The following EIF2AK4 variants were observed in gnomAD, a reference collection of about 807,000 sequenced individuals.
The protein encoded by EIF2AK4 is eIF-2-alpha kinase GCN2.
EIF2AK4 carries 139 observed loss-of-function variants against 211.1 expected under a neutral mutation model. That is an observed-to-expected ratio of 0.66 (90% CI 0.57 to 0.76). The LOEUF (loss-of-function observed/expected upper bound fraction) is 0.76, where lower values mean the gene tolerates loss of function less well. Ranked by LOEUF, EIF2AK4 falls within the 30% of genes least tolerant of loss-of-function variation. The pLI is 0.00. For missense variants in EIF2AK4, 1,664 were observed against 2,043.8 expected, an observed-to-expected ratio of 0.81 and a Z score of 3.58; for synonymous variants, 710 against 751.3, an observed-to-expected ratio of 0.94 and a Z score of 0.90.
At chr15:40,020,760 C>G in intron 30 of EIF2AK4, 139 bp from the exon 31 acceptor site, 2 of 558,624 alleles carry the variant, frequency 3.6e-6, no homozygotes, top group Non-Finnish European at 5.5e-6. Flanking sequence ...GAAGCAAAGT[C>G]TTTGGCACGC....
In EIF2AK4 at chr15:40,002,798, C is replaced by A. The variant is rs1442104599; in HGVS notation, c.3235+10C>A. On this transcript the variant is annotated intron_variant, in intron 22 of 38. Transcript: ENST00000263791. ...ATCTTTAAAAGACATGGTATGTACG[C>A]CCTTTTTAAAAATGATATTTCTTCT... 2.5e-6 allele frequency: 4 copies of A among 1,613,778 alleles called. No homozygotes were observed. Among genetic ancestry groups the A allele is most frequent in the Non-Finnish European group, 3.4e-6 (4 of 1,179,766 alleles).
At chr15:39,974,431 A>G (rs527339959) in intron 11 of EIF2AK4, 1 of 152,344 alleles carries the variant, frequency 6.6e-6, no homozygotes, top group East Asian at 1.9e-4. Flanking sequence ...CCCACCATCA[A>G]CTGAGTATAT....
Position 39,967,405 on chromosome 15 carries a change from G to A in EIF2AK4, c.1079G>A (p.Arg360His), listed in dbSNP as rs1421116963. The change falls in exon 9 of 39, where the codon CGC becomes CAC. Residue 360 changes from arginine to histidine, a missense_variant. By Grantham distance (29) the Arg-to-His change is conservative. Coordinates refer to ENST00000263791, the MANE Select transcript of EIF2AK4 (RefSeq NM_001013703.4). ...AAATTGAGCCATCCAAATGTAGTAC[G>A]CTACCTTGCAATGAATCTCAAAGAG... ...LVKLSHPNVV[R>H]YLAMNLKEQD... 5 of 1,612,180 alleles carry A rather than the reference G, an allele frequency of 3.1e-6. No homozygotes were observed. The highest frequency in any genetic ancestry group is 2.2e-5 in the East Asian group (1 of 44,832).
At chr15:39,940,229 C>T (rs972872824) in intron 2 of EIF2AK4, among the ~76,000 whole-genome samples, 2 of 152,218 alleles carry the variant, frequency 1.3e-5, no homozygotes, top group Non-Finnish European at 2.9e-5. Flanking sequence ...GGTGATGTCA[C>T]CTCTGGTTGA....
In EIF2AK4 at chr15:40,034,445, G is replaced by GT. The variant is rs1368888124; in HGVS notation, c.4892+2dup. ...TTTATAACATCAAAGTAGAAAAAAA[G>GT]TAAGTTATCACTTGGGCATAGCAGG... On this transcript the variant is annotated splice_donor_variant, in intron 38 of 38. Transcript: ENST00000263791. LOFTEE classifies it high-confidence loss of function. The GT allele has an allele frequency of 1.2e-6, 2 of 1,610,510 alleles. No homozygotes were observed. The highest frequency in any genetic ancestry group is 1.7e-6 in the Non-Finnish European group (2 of 1,177,068).
chr15:39,934,406 C>T (rs539334210), intron 1 of EIF2AK4, 67 bp downstream of exon 1: 16 of 1,525,460 alleles, frequency 1.0e-5, no homozygotes, highest in Non-Finnish European at 1.3e-5. Flanking sequence ...GGCCAAAGCC[C>T]GGACACTTCC....
intron 29 of EIF2AK4, 79 bp downstream of exon 29, chr15:40,017,321 A>C: frequency 6.7e-7 from 1 of 1,494,726 alleles, no homozygotes; most frequent in Non-Finnish European, 9.0e-7. Flanking sequence ...TTTTCAAACT[A>C]ACACCAAAAA....
At chr15:39,999,256 C>T (rs996878489) in intron 20 of EIF2AK4, among the ~76,000 whole-genome samples, 2 of 151,982 alleles carry the variant, frequency 1.3e-5, no homozygotes, top group African/African-American at 4.8e-5. Flanking sequence ...TCCTATATAC[C>T]ATAAATATCT....
chr15:39,950,546 G>T (rs921030440), intron 4 of EIF2AK4, among the ~76,000 whole-genome samples: 1 of 149,986 alleles, frequency 6.7e-6, no homozygotes, highest in Non-Finnish European at 1.5e-5. Context: ...AGCCAAGATC[G>T]TGCCATTGCA....
At chr15:40,004,845 C>T (rs112534359) in intron 23 of EIF2AK4, among the ~76,000 whole-genome samples, 3,954 of 152,328 alleles carry the variant, frequency 0.026, 184 homozygotes, top group African/African-American at 0.091. Flanking sequence ...CATGAGCCGC[C>T]ATGCCCAGCC....
At position 39,943,433 on chromosome 15, in the gene EIF2AK4, T is replaced by G. The variant is rs771557258; in HGVS notation, c.308T>G (p.Val103Gly). Reference protein sequence around the residue: ...KNAKGLSNESVNLLKSRLEEL... With the variant: ...KNAKGLSNESGNLLKSRLEEL... ...GCCAAAGGTCTATCAAATGAAAGTGTCAATTTGTTAAAATCTCGCCTAGAA... is the reference window on the plus strand; with the variant it reads ...GCCAAAGGTCTATCAAATGAAAGTGGCAATTTGTTAAAATCTCGCCTAGAA... The change falls in exon 3 of 39, where the codon GTC becomes GGC. Residue 103 changes from valine (V) to glycine (G), a missense_variant. Val to Gly is a moderately radical substitution (Grantham distance 109). Transcript: ENST00000263791. 2 of 1,583,302 alleles carry G rather than the reference T, an allele frequency of 1.3e-6. No individual in the cohort carries two copies.
intron 2 of EIF2AK4, among the ~76,000 whole-genome samples, chr15:39,941,916 A>G (rs7180793): frequency 0.063 from 9,637 of 152,282 alleles, 522 homozygotes; most frequent in East Asian, 0.31. Context: ...TGTCCACTTG[A>G]TAAAAATATT....
At chr15:40,010,196 T>G (rs1321116588) in intron 26 of EIF2AK4, among the ~76,000 whole-genome samples, 1 of 152,240 alleles carries the variant, frequency 6.6e-6, no homozygotes, top group Non-Finnish European at 1.5e-5. Flanking sequence ...CTCACACCAG[T>G]GCTGCTATTA....
At chr15:40,032,855 T>C in intron 37 of EIF2AK4, 54 bp downstream of exon 37, 2 of 1,527,318 alleles carry the variant, frequency 1.3e-6, no homozygotes, top group East Asian at 2.3e-5. Context: ...AAATCTTTGC[T>C]ATTAGTTTGC....
chr15:40,025,227 C>A (rs2035450936), intron 32 of EIF2AK4, among the ~76,000 whole-genome samples: 1 of 152,196 alleles, frequency 6.6e-6, no homozygotes, highest in Non-Finnish European at 1.5e-5. Flanking sequence ...GGATCAGAAG[C>A]AGAAAATGGT....
rs1265726077 is a variant in EIF2AK4 at position 40,026,064 on chromosome 15, A to G, written c.4477A>G (p.Lys1493Glu). The G allele has an allele frequency of 1.2e-6, 2 of 1,614,170 alleles. No homozygotes were observed. Among genetic ancestry groups the G allele is most frequent in the South Asian group, 2.2e-5 (2 of 91,084 alleles). The change falls in exon 33 of 39, where the codon AAA (lysine) becomes GAA (glutamate). Residue 1493 changes from lysine to glutamate, a missense_variant. Lys to Glu is a moderately conservative substitution (Grantham distance 56). Transcript: ENST00000263791. ...CCATGTACTGCAGAAACTGAGGACT[A>G]AAGTCACTGATGAAAGGAATGGCAG... Reference protein sequence around the residue: ...VDHVLQKLRTKVTDERNGREA... With the variant: ...VDHVLQKLRTEVTDERNGREA...
chr15:39,937,766 A>T (rs904357475), intron 1 of EIF2AK4, among the ~76,000 whole-genome samples: 1 of 152,022 alleles, frequency 6.6e-6, no homozygotes, highest in Admixed American at 6.5e-5. Context: ...GGCCTAGGCC[A>T]CCTCCCCGTG....
chr15:39,962,943 A>AT (rs2140910415), intron 7 of EIF2AK4, among the ~76,000 whole-genome samples: 1 of 152,242 alleles, frequency 6.6e-6, no homozygotes, highest in South Asian at 2.1e-4. Context: ...TCCCATGCAT[A>AT]TTTTTGCCAG....
chr15:40,003,450 C>A, intron 23 of EIF2AK4, 136 bp downstream of exon 23: 1 of 1,365,434 alleles, frequency 7.3e-7, no homozygotes, highest in Non-Finnish European at 9.8e-7. Context: ...AGGAAGTTGT[C>A]AGAGTGAGAG....
Sources: allele counts gnomAD v4.1 joint callset (sites outside exome capture counted in the v4.1 genomes callset), GRCh38; gene constraint gnomAD v4.1.1; transcripts MANE v1.5; gene names NCBI Gene and HGNC (gene_info 2026-07-23, HGNC 2026-07-21).